The following GALNT13 variants were observed in gnomAD, a reference collection of about 807,000 sequenced individuals.
The protein encoded by GALNT13 is UDP-GalNAc:polypeptide N-acetylgalactosaminyltransferase 13.
A neutral mutation model predicts 64.2 loss-of-function variants in GALNT13; 28 were observed. That is an observed-to-expected ratio of 0.44 (90% CI 0.32 to 0.60). The LOEUF (loss-of-function observed/expected upper bound fraction) is 0.60, where lower values mean the gene tolerates loss of function less well. GALNT13 is among the 20% of genes least tolerant of loss of function. The probability of loss-of-function intolerance (pLI) is 0.05; values close to 1 mark genes in which losing one functional copy is unlikely to be tolerated. For missense variants in GALNT13, 577 were observed against 669.8 expected (o/e 0.86, Z 1.53); for synonymous variants, 214 against 224.6 (o/e 0.95, Z 0.42).
intron 2 of GALNT13, among the ~76,000 whole-genome samples, chr2:153,918,981 T>A (rs1689577644): frequency 6.6e-6 from 1 of 152,140 alleles, no homozygotes; most frequent in Non-Finnish European, 1.5e-5. Flanking sequence ...TCACCAAAGT[T>A]AGTTGTGTGA....
At chr2:153,186,572 A>ATT in the GALNT13 span, among the ~76,000 whole-genome samples, 8 of 143,998 alleles carry the variant, frequency 5.6e-5, no homozygotes, top group African/African-American at 2.0e-4. Flanking sequence ...TTCAGTGAGT[A>ATT]TTTTTTTTTT....
chr2:154,205,299 T>G (rs1216870575), intron 4 of GALNT13, among the ~76,000 whole-genome samples: 3 of 152,168 alleles, frequency 2.0e-5, no homozygotes, highest in Non-Finnish European at 4.4e-5. Flanking sequence ...CTTAAAAAGT[T>G]TTTTATTTCT....
the GALNT13 span, among the ~76,000 whole-genome samples, chr2:153,607,251 G>C: frequency 1.3e-5 from 2 of 152,002 alleles, no homozygotes; most frequent in Admixed American, 1.3e-4. Context: ...AGAGATGTAA[G>C]GGCAACTGCA....
chr2:153,104,701 T>C, the GALNT13 span, among the ~76,000 whole-genome samples: 1 of 152,294 alleles, frequency 6.6e-6, no homozygotes, highest in Admixed American at 6.5e-5. Context: ...ACTAGATATA[T>C]AAACATGTAA....
At chr2:153,633,016 C>T in the GALNT13 span, among the ~76,000 whole-genome samples, 10 of 152,102 alleles carry the variant, frequency 6.6e-5, no homozygotes, top group Admixed American at 6.6e-4. Flanking sequence ...CCGCTTCGGC[C>T]TCCCAAAGTG....
At chr2:154,186,923 C>T (rs192384448) in intron 4 of GALNT13, among the ~76,000 whole-genome samples, 2 of 151,986 alleles carry the variant, frequency 1.3e-5, no homozygotes, top group South Asian at 2.1e-4. Context: ...GAGAAAGTAT[C>T]TTTCTGATCA....
At chr2:153,108,700 A>C in the GALNT13 span, among the ~76,000 whole-genome samples, 1 of 152,156 alleles carries the variant, frequency 6.6e-6, no homozygotes, top group Non-Finnish European at 1.5e-5. Context: ...AATAACTCCC[A>C]AATGTTAAAA....
At chr2:153,677,735 A>T in the GALNT13 span, among the ~76,000 whole-genome samples, 183 of 152,088 alleles carry the variant, frequency 1.2e-3, no homozygotes, top group Non-Finnish European at 2.4e-3. Context: ...CTGCACACTT[A>T]CAACCATCTG....
the GALNT13 span, among the ~76,000 whole-genome samples, chr2:153,225,401 A>G: frequency 2.2e-4 from 33 of 152,298 alleles, no homozygotes; most frequent in African/African-American, 7.9e-4. Flanking sequence ...ATGTTGAGAG[A>G]CTGGTTAGTT....
intron 9 of GALNT13, among the ~76,000 whole-genome samples, chr2:154,330,549 T>C (rs751395953): frequency 1.3e-5 from 2 of 152,112 alleles, no homozygotes; most frequent in Non-Finnish European, 2.9e-5. Context: ...GCTGTGTGGT[T>C]AACTAAGAGA....
chr2:154,298,498 A>AAAT (rs1413753736), intron 8 of GALNT13, among the ~76,000 whole-genome samples: 1 of 131,428 alleles, frequency 7.6e-6, no homozygotes, highest in Non-Finnish European at 1.6e-5. Context: ...TAAATTATAT[A>AAAT]TACATATATA....
At position 154,277,097 on chromosome 2, in the gene GALNT13, C is replaced by T. The variant is rs543029018; in HGVS notation, c.975+17959C>T. On this transcript the variant is annotated intron_variant, in intron 8 of 12. Coordinates refer to ENST00000392825, the MANE Select transcript of GALNT13 (RefSeq NM_052917.4). The stretch of plus-strand genomic sequence containing the variant: ...AGTTTAGAGTAGAACATCTGATTTC[C>T]TGCCTTTTGTTTTCCCTATGGAAGA... Among the ~76,000 whole-genome samples, 9 of 152,238 alleles carry T rather than the reference C, an allele frequency of 5.9e-5. 1 individual carries two copies. The South Asian group carries it at 1.2e-3, about 21-fold the overall frequency.
intron 11 of GALNT13, among the ~76,000 whole-genome samples, chr2:154,425,807 AAC>A (rs1157434891): frequency 6.6e-6 from 1 of 152,188 alleles, no homozygotes; most frequent in African/African-American, 2.4e-5. Flanking sequence ...AGACAGATTA[AAC>A]ACACAGAAAA....
the GALNT13 span, among the ~76,000 whole-genome samples, chr2:153,234,651 T>C: frequency 6.6e-6 from 1 of 152,162 alleles, no homozygotes; most frequent in Non-Finnish European, 1.5e-5. Context: ...GGATATTTTT[T>C]CATCTGTCTG....
intron 3 of GALNT13, among the ~76,000 whole-genome samples, chr2:154,120,402 C>A (rs1217977180): frequency 6.6e-6 from 1 of 152,162 alleles, no homozygotes; most frequent in African/African-American, 2.4e-5. Context: ...CTTGGAGGGA[C>A]AAATAGGACC....
At chr2:153,710,558 C>T in the GALNT13 span, among the ~76,000 whole-genome samples, 4 of 152,018 alleles carry the variant, frequency 2.6e-5, no homozygotes, top group Admixed American at 6.6e-5. Context: ...AATATAATTA[C>T]CATCCAAACT....
At chr2:153,153,400 T>C in the GALNT13 span, among the ~76,000 whole-genome samples, 1 of 152,120 alleles carries the variant, frequency 6.6e-6, no homozygotes, top group Non-Finnish European at 1.5e-5. Flanking sequence ...TTTAATTAGA[T>C]CCCATTTGTC....
chr2:153,256,610 G>C, the GALNT13 span, among the ~76,000 whole-genome samples: 1 of 152,118 alleles, frequency 6.6e-6, no homozygotes, highest in African/African-American at 2.4e-5. Flanking sequence ...ATCTACTTTT[G>C]GTCTTTGAGG....
the GALNT13 span, among the ~76,000 whole-genome samples, chr2:153,628,972 G>C: frequency 6.6e-6 from 1 of 152,028 alleles, no homozygotes; most frequent in Non-Finnish European, 1.5e-5. Context: ...AATCTGTCTG[G>C]TCCTGGACTC....
Sources: gnomAD v4.1 joint callset for allele counts (sites outside exome capture counted in the v4.1 genomes callset) on GRCh38, gnomAD v4.1.1 for gene constraint, MANE v1.5 for transcripts, NCBI Gene and HGNC (gene_info 2026-07-23, HGNC 2026-07-21) for gene names.